ERC2: variants seen among roughly 807,000 people sequenced by gnomAD.
The protein encoded by ERC2 is ERC protein 2.
Under a neutral mutation model 114.8 loss-of-function variants are expected in ERC2, and 42 were observed. The observed-to-expected ratio is 0.37, with a 90% CI of 0.29 to 0.47. The LOEUF (loss-of-function observed/expected upper bound fraction) is 0.47, where lower values mean the gene tolerates loss of function less well. ERC2 is among the 20% of genes least tolerant of loss of function. ERC2 has a pLI of 0.99. For missense variants in ERC2, 939 were observed against 1,150.7 expected, an observed-to-expected ratio of 0.82 and a Z score of 2.66; for synonymous variants, 454 against 425.5, an observed-to-expected ratio of 1.07 and a Z score of -0.82.
chr3:55,831,589 T>C (rs534690141), intron 14 of ERC2, among the ~76,000 whole-genome samples: 4 of 152,066 alleles, frequency 2.6e-5, no homozygotes, highest in East Asian at 3.9e-4. Context: ...ATTATAATAG[T>C]CTAAACATAT....
At chr3:56,026,809 CAT>C (rs1363791088) in intron 7 of ERC2, among the ~76,000 whole-genome samples, 1 of 152,272 alleles carries the variant, frequency 6.6e-6, no homozygotes, top group East Asian at 1.9e-4. Context: ...TATATGCACT[CAT>C]GTGCATTTGT....
At chr3:55,880,783 A>C (rs1033860071) in intron 14 of ERC2, among the ~76,000 whole-genome samples, 2 of 149,136 alleles carry the variant, frequency 1.3e-5, no homozygotes, top group African/African-American at 5.1e-5. Context: ...AAAGAATAGT[A>C]TTATAGCAAA....
chr3:56,433,193 AGAGAG>A (rs1247160785), intron 2 of ERC2, among the ~76,000 whole-genome samples: 1 of 7,824 alleles, frequency 1.3e-4, no homozygotes, highest in Non-Finnish European at 3.6e-4. Context: ...AAAAAAAAAA[AGAGAG>A]AGAGAGAGAG....
At chr3:55,781,920 T>C (rs1231754381) in intron 14 of ERC2, among the ~76,000 whole-genome samples, 1 of 148,308 alleles carries the variant, frequency 6.7e-6, no homozygotes, top group Non-Finnish European at 1.5e-5. Flanking sequence ...ATATAAAGTA[T>C]GAAGAACCAG....
At chr3:55,986,103 T>C in intron 11 of ERC2, 115 bp from the exon 12 acceptor site, 1 of 988,334 alleles carries the variant, frequency 1.0e-6, no homozygotes, top group Non-Finnish European at 1.5e-6. Flanking sequence ...AGCCAACAGA[T>C]GTTATATCAG....
At chr3:56,121,982 T>C (rs779571881) in intron 6 of ERC2, among the ~76,000 whole-genome samples, 13 of 152,178 alleles carry the variant, frequency 8.5e-5, no homozygotes, top group Non-Finnish European at 1.3e-4. Flanking sequence ...GACACACTAC[T>C]GCACAACTGG....
chr3:55,748,751 T>G (rs556099154), intron 14 of ERC2, among the ~76,000 whole-genome samples: 1 of 152,158 alleles, frequency 6.6e-6, no homozygotes, highest in Non-Finnish European at 1.5e-5. Flanking sequence ...GAATGCCTAG[T>G]ATAATCCAGT....
chr3:56,338,050 A>C (rs1422053779), intron 2 of ERC2, among the ~76,000 whole-genome samples: 1 of 152,232 alleles, frequency 6.6e-6, no homozygotes, highest in Non-Finnish European at 1.5e-5. Context: ...ATAAAGTTGA[A>C]AAACAAGCAA....
At chr3:56,314,024 T>C (rs1330132500) in intron 2 of ERC2, among the ~76,000 whole-genome samples, 1 of 152,218 alleles carries the variant, frequency 6.6e-6, no homozygotes, top group East Asian at 1.9e-4. Context: ...CCTTCTGACA[T>C]GCAGTATTCG....
intron 17 of ERC2, among the ~76,000 whole-genome samples, chr3:55,617,489 C>T (rs1031214435): frequency 2.0e-5 from 3 of 152,130 alleles, no homozygotes; most frequent in African/African-American, 7.2e-5. Flanking sequence ...GGTCTCATTC[C>T]CCTCCGGCCA....
intron 17 of ERC2, among the ~76,000 whole-genome samples, chr3:55,578,536 C>T (rs1353507671): frequency 6.6e-6 from 1 of 152,190 alleles, no homozygotes; most frequent in Non-Finnish European, 1.5e-5. Flanking sequence ...AGGCAGATGT[C>T]CTTATTTGAA....
intron 1 of ERC2, among the ~76,000 whole-genome samples, chr3:56,460,999 CTT>C (rs11336881): frequency 4.2e-4 from 52 of 124,580 alleles, no homozygotes; most frequent in Non-Finnish European, 6.3e-4. Context: ...GGCATAAAGG[CTT>C]TTTTTTTTTT....
intron 17 of ERC2, among the ~76,000 whole-genome samples, chr3:55,681,332 C>A (rs898988733): frequency 1.3e-5 from 2 of 152,078 alleles, no homozygotes; most frequent in East Asian, 3.9e-4. Context: ...CAGAGCCTTC[C>A]GATGCTATTA....
intron 17 of ERC2, chr3:55,610,509 AC>A (rs2058862226): frequency 1.5e-5 from 2 of 130,322 alleles, no homozygotes; most frequent in South Asian, 2.7e-4. Context: ...ACGGAAAAAC[AC>A]ACACACACAC....
chr3:56,232,013 C>T (rs2050653550), intron 3 of ERC2, among the ~76,000 whole-genome samples: 1 of 151,764 alleles, frequency 6.6e-6, no homozygotes, highest in African/African-American at 2.4e-5. Context: ...CCCTGTTGCC[C>T]AGGCTGGAGT....
Position 55,994,647 on chromosome 3 carries a change from T to TAAAAAAA in ERC2, c.2062-2404_2062-2398dup, listed in dbSNP as rs10662566. ...CATTGACAAGATACTACATACTCCC[T>TAAAAAAA]AAAAAAAAAAAAAAAAAAAAAAAAA... is the stretch of plus-strand genomic sequence containing the variant. On this transcript the variant is annotated intron_variant, in intron 10 of 17. Transcript: ENST00000288221. 3.9e-4 allele frequency among the ~76,000 whole-genome samples: 24 copies of TAAAAAAA among 61,416 alleles called. 6 individuals carry two copies. The highest frequency in any genetic ancestry group is 1.5e-3 in the African/African-American group (21 of 14,208). 40.3% of individuals were successfully genotyped at this position (61,416 alleles called of 152,430 possible). A position where few individuals can be genotyped will look rare whatever the true frequency, so the allele number is the denominator to read the frequency against.
chr3:55,716,818 G>C (rs991222735), intron 15 of ERC2, among the ~76,000 whole-genome samples: 1 of 152,188 alleles, frequency 6.6e-6, no homozygotes, highest in Non-Finnish European at 1.5e-5. Flanking sequence ...TTACAGCCCA[G>C]AGTGATCCAA....
At chr3:55,796,939 C>T (rs949716379) in intron 14 of ERC2, among the ~76,000 whole-genome samples, 1 of 152,068 alleles carries the variant, frequency 6.6e-6, no homozygotes, top group African/African-American at 2.4e-5. Flanking sequence ...CATTTTTTTT[C>T]CCACATATGT....
intron 13 of ERC2, among the ~76,000 whole-genome samples, chr3:55,928,251 C>A (rs1165434190): frequency 6.6e-6 from 1 of 152,198 alleles, no homozygotes; most frequent in Non-Finnish European, 1.5e-5. Context: ...CTTCCCTTTT[C>A]TCACATCCTT....
Sources: allele counts gnomAD v4.1 joint callset (sites outside exome capture counted in the v4.1 genomes callset), GRCh38; gene constraint gnomAD v4.1.1; transcripts MANE v1.5; gene names NCBI Gene and HGNC (gene_info 2026-07-23, HGNC 2026-07-21).